Variants in BARX2 observed in about 807,000 individuals in gnomAD.
BARX2 encodes the protein homeobox protein BarH-like 2.
Under a neutral mutation model 25.5 loss-of-function variants are expected in BARX2, and 11 were observed. The observed-to-expected ratio is 0.43, with a 90% CI of 0.27 to 0.71. The LOEUF (loss-of-function observed/expected upper bound fraction) is 0.71, where lower values mean the gene tolerates loss of function less well. BARX2 is among the 30% of genes least tolerant of loss of function. BARX2 has a pLI of 0.19. For synonymous variants in BARX2, 137 were observed against 149.5 expected, an observed-to-expected ratio of 0.92 and a Z score of 0.61; for missense variants, 360 against 359.9, an observed-to-expected ratio of 1.00 and a Z score of 0.00.
chr11:129,380,213 AG>A (rs1352297562), intron 1 of BARX2, among the ~76,000 whole-genome samples: 2 of 152,124 alleles, frequency 1.3e-5, no homozygotes, highest in Non-Finnish European at 2.9e-5. Context: ...CCCAGGGGAC[AG>A]TCAACCAGCC....
intron 1 of BARX2, among the ~76,000 whole-genome samples, chr11:129,427,087 T>C (rs1862072285): frequency 6.6e-6 from 1 of 152,214 alleles, no homozygotes; most frequent in African/African-American, 2.4e-5. Flanking sequence ...ATAAGAAAAT[T>C]AATCTACTTT....
At chr11:129,391,931 T>C (rs1365393203) in intron 1 of BARX2, among the ~76,000 whole-genome samples, 2 of 152,166 alleles carry the variant, frequency 1.3e-5, no homozygotes, top group African/African-American at 4.8e-5. Context: ...TTTATATGCT[T>C]CTTAATTGAC....
intron 1 of BARX2, among the ~76,000 whole-genome samples, chr11:129,413,937 G>A (rs1290694382): frequency 6.6e-6 from 1 of 151,982 alleles, no homozygotes; most frequent in Non-Finnish European, 1.5e-5. Context: ...GTGGTGGCGG[G>A]CGCCTGTATT....
intron 3 of BARX2, among the ~76,000 whole-genome samples, chr11:129,449,146 G>A (rs1436207318): frequency 6.6e-6 from 1 of 152,158 alleles, no homozygotes; most frequent in Non-Finnish European, 1.5e-5. Flanking sequence ...GTACAATTCT[G>A]TGACTATCCT....
chr11:129,412,299 G>A (rs1861898194), intron 1 of BARX2, among the ~76,000 whole-genome samples: 1 of 151,918 alleles, frequency 6.6e-6, no homozygotes, highest in Admixed American at 6.6e-5. Flanking sequence ...AAAAAAAGAA[G>A]TAGTTTATAA....
At chr11:129,429,253 C>T (rs1030470638) in intron 1 of BARX2, among the ~76,000 whole-genome samples, 6 of 152,072 alleles carry the variant, frequency 3.9e-5, no homozygotes, top group East Asian at 1.9e-4. Context: ...AACTGGAGGC[C>T]GGGCATGGTG....
chr11:129,405,186 G>A (rs1297678536), intron 1 of BARX2, among the ~76,000 whole-genome samples: 4 of 152,118 alleles, frequency 2.6e-5, no homozygotes, highest in African/African-American at 9.7e-5. Context: ...TCAATTCTGG[G>A]ATATCCCGAC....
intron 1 of BARX2, among the ~76,000 whole-genome samples, chr11:129,405,334 T>C (rs1744145152): frequency 6.6e-6 from 1 of 152,206 alleles, no homozygotes; most frequent in African/African-American, 2.4e-5. Context: ...ATCACCTTTC[T>C]GCTACCGCTG....
intron 1 of BARX2, among the ~76,000 whole-genome samples, chr11:129,381,617 G>A (rs1240210157): frequency 6.6e-6 from 1 of 152,006 alleles, no homozygotes; most frequent in Non-Finnish European, 1.5e-5. Flanking sequence ...GTTTTTTGCT[G>A]GTTGTATTTC....
intron 1 of BARX2, among the ~76,000 whole-genome samples, chr11:129,416,127 C>T (rs1280283055): frequency 6.6e-6 from 1 of 152,210 alleles, no homozygotes; most frequent in Non-Finnish European, 1.5e-5. Context: ...TCGAACTTGG[C>T]CTTCGGGTGT....
chr11:129,443,535 G>A (rs1439355784), intron 3 of BARX2, among the ~76,000 whole-genome samples: 1 of 152,110 alleles, frequency 6.6e-6, no homozygotes, highest in Non-Finnish European at 1.5e-5. Context: ...CCAGGATTCT[G>A]GTCCCAGAGG....
At chr11:129,420,569 C>G (rs554838206) in intron 1 of BARX2, among the ~76,000 whole-genome samples, 173 of 152,342 alleles carry the variant, frequency 1.1e-3, no homozygotes, top group Non-Finnish European at 2.1e-3. Context: ...CACCTAATCT[C>G]AAAGTCTTAA....
In BARX2 at chr11:129,427,486, GCGT is replaced by G. The variant is rs562857327; in HGVS notation, c.188-9264_188-9262del. ...CTTCTGGACCAGTGTCTTTGTGTGT[GCGT>G]TGTTTATGTCCCTCTGAAGCTTTCT... On this transcript the variant is annotated intron_variant, in intron 1 of 3. Coordinates refer to ENST00000281437, the MANE Select transcript of BARX2 (RefSeq NM_003658.5). 8.1e-3 allele frequency among the ~76,000 whole-genome samples: 1,234 copies of G among 152,298 alleles called. 15 individuals carry two copies. The highest frequency in any genetic ancestry group is 0.027 in the African/African-American group (1,129 of 41,554).
chr11:129,425,462 C>T (rs546383088), intron 1 of BARX2, among the ~76,000 whole-genome samples: 4 of 151,988 alleles, frequency 2.6e-5, no homozygotes, highest in Non-Finnish European at 5.9e-5. Flanking sequence ...ACAGCATGGC[C>T]GGGAGGAGAA....
At chr11:129,447,944 A>G (rs1862350807) in intron 3 of BARX2, among the ~76,000 whole-genome samples, 1 of 152,188 alleles carries the variant, frequency 6.6e-6, no homozygotes. Context: ...AAAATCAGAT[A>G]ATGACTTACG....
intron 1 of BARX2, among the ~76,000 whole-genome samples, chr11:129,433,940 C>T (rs569138418): frequency 9.4e-4 from 143 of 152,280 alleles, no homozygotes; most frequent in Non-Finnish European, 1.6e-3. Context: ...GCTTCCAGAG[C>T]GGAGTGTAGC....
chr11:129,375,513 T>C (rs1199003397), upstream of BARX2, among the ~76,000 whole-genome samples: 2 of 152,052 alleles, frequency 1.3e-5, no homozygotes, highest in African/African-American at 4.8e-5. This position sits in a 1 kb window ranked among gnomAD's most constrained non-coding sequence, Gnocchi z 4.0. Context: ...GGCCTGGGCC[T>C]TGGCCGCGGG....
At chr11:129,400,020 A>C (rs1357298715) in intron 1 of BARX2, among the ~76,000 whole-genome samples, 1 of 152,132 alleles carries the variant, frequency 6.6e-6, no homozygotes, top group East Asian at 1.9e-4. Flanking sequence ...CCAGGTGTGC[A>C]TCACCATGCC....
At chr11:129,394,781 GC>G (rs1861700279) in intron 1 of BARX2, among the ~76,000 whole-genome samples, 1 of 152,116 alleles carries the variant, frequency 6.6e-6, no homozygotes, top group South Asian at 2.1e-4. Context: ...AATGGCCTCT[GC>G]CCTACTCACA....
Sources: gnomAD v4.1 joint callset for allele counts (sites outside exome capture counted in the v4.1 genomes callset) on GRCh38, gnomAD v4.1.1 for gene constraint, Gnocchi (gnomAD v3.1) non-coding constraint, MANE v1.5 for transcripts, NCBI Gene and HGNC (gene_info 2026-07-23, HGNC 2026-07-21) for gene names.